Variants in HYAL4 observed in about 807,000 individuals in gnomAD.
The protein encoded by HYAL4 is hyaluronidase-4.
HYAL4 carries 37 observed loss-of-function variants against 35.2 expected under a neutral mutation model. The observed-to-expected ratio is 1.05, with a 90% CI of 0.81 to 1.38. The LOEUF is 1.38. Ranked by LOEUF, HYAL4 falls within the 40% of genes most tolerant of loss-of-function variation. The pLI is 0.00. For missense variants in HYAL4, 572 were observed against 572.4 expected (o/e 1.00, Z 0.01); for synonymous variants, 198 against 203.2 (o/e 0.97, Z 0.22).
At chr7:123,784,157 G>A in the HYAL4 span, among the ~76,000 whole-genome samples, 3 of 152,088 alleles carry the variant, frequency 2.0e-5, no homozygotes, top group Non-Finnish European at 2.9e-5. Flanking sequence ...TTTAAAGTAC[G>A]TCTAGTCTTG....
chr7:123,768,257 C>T, the HYAL4 span, among the ~76,000 whole-genome samples: 11 of 152,248 alleles, frequency 7.2e-5, no homozygotes, highest in African/African-American at 2.4e-4. Context: ...ATCAAATTGC[C>T]ATTATTAAAA....
At chr7:123,780,637 T>G in the HYAL4 span, among the ~76,000 whole-genome samples, 1 of 152,156 alleles carries the variant, frequency 6.6e-6, no homozygotes, top group African/African-American at 2.4e-5. Context: ...TGGTCACATA[T>G]GTGGGGAAAA....
At chr7:123,855,534 C>T (rs778955547) in intron 2 of HYAL4, among the ~76,000 whole-genome samples, 2 of 152,168 alleles carry the variant, frequency 1.3e-5, no homozygotes, top group Non-Finnish European at 2.9e-5. Flanking sequence ...CCCCCACTTT[C>T]TTCTGGCTTG....
chr7:123,819,074 C>T, the HYAL4 span, among the ~76,000 whole-genome samples: 1 of 152,104 alleles, frequency 6.6e-6, no homozygotes, highest in African/African-American at 2.4e-5. Flanking sequence ...CTTTAACCAA[C>T]ATCTCCTCAA....
the HYAL4 span, among the ~76,000 whole-genome samples, chr7:123,766,074 A>G: frequency 1.3e-5 from 2 of 152,208 alleles, no homozygotes; most frequent in Non-Finnish European, 2.9e-5. Context: ...TTCAAAAACT[A>G]TTCTTGATTT....
intron 2 of HYAL4, among the ~76,000 whole-genome samples, chr7:123,854,402 A>G (rs1204148061): frequency 6.6e-6 from 1 of 152,184 alleles, no homozygotes. Context: ...ACTGTGTCCC[A>G]GAGATCTGGT....
chr7:123,857,681 C>CTTTGTTTGTTTGTTTGTTTG (rs760557077), intron 2 of HYAL4, among the ~76,000 whole-genome samples: 2 of 102,070 alleles, frequency 2.0e-5, no homozygotes, highest in African/African-American at 6.4e-5. Flanking sequence ...TTCTTTCTTT[C>CTTTGTTTGTTTGTTTGTTTG]TTTCTTTCTT....
At chr7:123,766,699 A>G in the HYAL4 span, among the ~76,000 whole-genome samples, 284 of 152,322 alleles carry the variant, frequency 1.9e-3, no homozygotes, top group African/African-American at 6.4e-3. Context: ...TCATATAAGT[A>G]CTAAATGAGA....
chr7:123,773,836 C>T, the HYAL4 span, among the ~76,000 whole-genome samples: 3 of 152,042 alleles, frequency 2.0e-5, no homozygotes, highest in East Asian at 1.9e-4. Flanking sequence ...TTGTTTTCAC[C>T]TCTCCCTCAA....
chr7:123,820,583 C>CA, the HYAL4 span, among the ~76,000 whole-genome samples: 18,227 of 113,150 alleles, frequency 0.16, 1,159 homozygotes, highest in African/African-American at 0.17. Context: ...AACTCCATCT[C>CA]AAAAAAAAAA....
At chr7:123,780,654 G>C in the HYAL4 span, among the ~76,000 whole-genome samples, 3 of 152,126 alleles carry the variant, frequency 2.0e-5, 1 homozygote, top group Admixed American at 2.0e-4. Context: ...AAAAGCAAGA[G>C]AGATCAGATT....
chr7:123,798,903 G>A, the HYAL4 span, among the ~76,000 whole-genome samples: 1 of 152,174 alleles, frequency 6.6e-6, no homozygotes, highest in Non-Finnish European at 1.5e-5. Context: ...GAGGGAAATA[G>A]GAAAGGAAGT....
intron 1 of HYAL4, among the ~76,000 whole-genome samples, chr7:123,832,321 GGT>G (rs1805895856): frequency 6.6e-6 from 1 of 151,528 alleles, no homozygotes; most frequent in Admixed American, 6.6e-5. Flanking sequence ...GGGAACAGGT[GGT>G]ATTTGGTTAC....
chr7:123,799,251 A>G, the HYAL4 span, among the ~76,000 whole-genome samples: 2 of 151,962 alleles, frequency 1.3e-5, no homozygotes, highest in Admixed American at 6.6e-5. Context: ...TTATTTCTTT[A>G]TTGTAGATTT....
At chr7:123,876,653 C>G (rs1807032724) in intron 4 of HYAL4, 101 bp from the exon 5 acceptor site, 1 of 1,232,010 alleles carries the variant, frequency 8.1e-7, no homozygotes, top group Non-Finnish European at 1.1e-6. Flanking sequence ...GTGCTAGAAG[C>G]TCTAATTCTA....
intron 2 of HYAL4, among the ~76,000 whole-genome samples, chr7:123,854,944 C>G (rs1806398580): frequency 6.6e-6 from 1 of 152,182 alleles, no homozygotes; most frequent in African/African-American, 2.4e-5. Context: ...GTTAGCTCTT[C>G]TTGTTGAATT....
intron 1 of HYAL4, among the ~76,000 whole-genome samples, chr7:123,836,977 A>G (rs1387647898): frequency 6.6e-6 from 1 of 152,090 alleles, no homozygotes; most frequent in Non-Finnish European, 1.5e-5. Flanking sequence ...GCAGTGAGCC[A>G]AGGTTGCACT....
the HYAL4 span, among the ~76,000 whole-genome samples, chr7:123,772,978 G>A: frequency 7.2e-5 from 11 of 152,250 alleles, no homozygotes; most frequent in African/African-American, 2.6e-4. Flanking sequence ...ATGGCACACC[G>A]CATTGTCTCT....
At chr7:123,861,283 T>C (rs1160631101) in intron 2 of HYAL4, among the ~76,000 whole-genome samples, 1 of 152,230 alleles carries the variant, frequency 6.6e-6, no homozygotes, top group Admixed American at 6.5e-5. Context: ...GTTGTAATCT[T>C]GACTATGGAC....
Sources: allele counts gnomAD v4.1 joint callset (sites outside exome capture counted in the v4.1 genomes callset), GRCh38; gene constraint gnomAD v4.1.1; transcripts MANE v1.5; gene names NCBI Gene and HGNC (gene_info 2026-07-23, HGNC 2026-07-21).